Variants in ARHGEF10L observed in about 807,000 individuals in gnomAD.
The protein encoded by ARHGEF10L is Rho guanine nucleotide exchange factor 10 like.
Under a neutral mutation model 141.2 loss-of-function variants are expected in ARHGEF10L, and 69 were observed. That is an observed-to-expected ratio of 0.49 (90% confidence interval 0.40 to 0.60). ARHGEF10L has a LOEUF of 0.60. ARHGEF10L is among the 20% of genes least tolerant of loss of function. ARHGEF10L has a pLI of 0.00. For synonymous variants in ARHGEF10L, 711 were observed against 718.5 expected (o/e 0.99, Z 0.17); for missense variants, 1,482 against 1,734.3 (o/e 0.85, Z 2.58).
At chr1:17,664,253 G>C (rs2062826295) in intron 25 of ARHGEF10L, among the ~76,000 whole-genome samples, 194 bp from the exon 26 acceptor site, 1 of 152,200 alleles carries the variant, frequency 6.6e-6, no homozygotes, top group Non-Finnish European at 1.5e-5. Context: ...AGGGGTGGCT[G>C]GGTGTGGGAC....
At chr1:17,528,159 C>A in the ARHGEF10L span, among the ~76,000 whole-genome samples, 1 of 151,962 alleles carries the variant, frequency 6.6e-6, no homozygotes, top group Non-Finnish European at 1.5e-5. Flanking sequence ...TGCGCCTGTC[C>A]CTTTTCCTCT....
At chr1:17,690,489 G>C (rs991609126) in intron 27 of ARHGEF10L, among the ~76,000 whole-genome samples, 1 of 152,248 alleles carries the variant, frequency 6.6e-6, no homozygotes, top group Non-Finnish European at 1.5e-5. Context: ...CATCTCCTGC[G>C]AGGGCTCCTT....
rs375729142 is a variant in ARHGEF10L at position 17,624,491 on chromosome 1, C to T, written c.1305C>T (p.Leu435=). 15 of 1,613,786 alleles carry T rather than the reference C, an allele frequency of 9.3e-6. No individual in the cohort carries two copies. Among genetic ancestry groups the T allele is most frequent in the Non-Finnish European group, 1.2e-5 (14 of 1,179,764 alleles). Residue 435 remains leucine, a synonymous_variant, in exon 13 of 29, where the codon CTC becomes CTT. Coordinates refer to ENST00000361221, the MANE Select transcript of ARHGEF10L (RefSeq NM_018125.4). Reference sequence around the variant, plus strand: ...CCTGCCTCACCAAGCCTGCCTTCCTCGAGTTCCTCAAGGTGGGCCTCCATG... The same window carrying T: ...CCTGCCTCACCAAGCCTGCCTTCCTTGAGTTCCTCAAGGTGGGCCTCCATG... ...KKACLTKPAF[L]EFLKRRQVCS...
chr1:17,643,718 T>C (rs533160690), intron 21 of ARHGEF10L, among the ~76,000 whole-genome samples: 1 of 152,144 alleles, frequency 6.6e-6, no homozygotes, highest in East Asian at 1.9e-4. Context: ...AGGGCTCTCG[T>C]GAAAATGTGG....
chr1:17,690,092 TG>T (rs2064985771), intron 27 of ARHGEF10L, among the ~76,000 whole-genome samples: 1 of 152,218 alleles, frequency 6.6e-6, no homozygotes, highest in African/African-American at 2.4e-5. Context: ...AGTGCTGATA[TG>T]GACAGAGCCA....
chr1:17,535,091 T>C (rs1048761964), upstream of ARHGEF10L, among the ~76,000 whole-genome samples: 1 of 152,130 alleles, frequency 6.6e-6, no homozygotes, highest in Middle Eastern at 3.2e-3. Flanking sequence ...CTCACCATAA[T>C]GTAGAATCAG....
At chr1:17,636,976 A>C in intron 18 of ARHGEF10L, among the ~76,000 whole-genome samples, 2 of 147,264 alleles carry the variant, frequency 1.4e-5, no homozygotes, top group African/African-American at 5.1e-5. Flanking sequence ...CCCCCATCTC[A>C]CCCTTACTCC....
At position 17,624,481 on chromosome 1, in the gene ARHGEF10L, C is replaced by T. The variant is rs1162664616; in HGVS notation, c.1295C>T (p.Pro432Leu). The change falls in exon 13 of 29, where the codon CCT becomes CTT. Residue 432 changes from proline to leucine, a missense_variant. Transcript: ENST00000361221. Reference sequence around the variant, plus strand: ...ATCAAGAAGGCCTGCCTCACCAAGCCTGCCTTCCTCGAGTTCCTCAAGGTG... The same window carrying T: ...ATCAAGAAGGCCTGCCTCACCAAGCTTGCCTTCCTCGAGTTCCTCAAGGTG... ...SIIKKACLTK[P>L]AFLEFLKRRQ... is the part of the protein sequence containing the mutation. 1.9e-6 allele frequency: 3 copies of T among 1,614,246 alleles called. No homozygotes were observed. The highest frequency in any genetic ancestry group is 1.7e-5 in the Admixed American group (1 of 60,024).
In ARHGEF10L at chr1:17,621,223, A is replaced by G. The variant is rs16829543; in HGVS notation, c.943-641A>G. Among the ~76,000 whole-genome samples, 1,316 of 152,208 alleles carry G rather than the reference A, an allele frequency of 8.6e-3. 16 individuals are homozygous for G. The highest frequency in any genetic ancestry group is 0.03 in the African/African-American group (1,241 of 41,528). ...CTGAGATTCGGTTCATGCTAATGCTAAGACAGAATTTTCTTTTCTTTTTTT... is the reference window on the plus strand; with the variant it reads ...CTGAGATTCGGTTCATGCTAATGCTGAGACAGAATTTTCTTTTCTTTTTTT... On this transcript the variant is annotated intron_variant, in intron 10 of 28. Transcript: ENST00000361221. The surrounding 1 kb of genome is among the most constrained non-coding windows in gnomAD (Gnocchi z 4.1).
rs2063462951 is a variant in ARHGEF10L at position 17,673,570 on chromosome 1, A to G, written c.3009+8975A>G. ...GAGGGTGTAGGCTAGTGCCTAATGCACACTCAGGCAGAGTGGCCGCTACGC... is the reference window on the plus strand; with the variant it reads ...GAGGGTGTAGGCTAGTGCCTAATGCGCACTCAGGCAGAGTGGCCGCTACGC... On this transcript the variant is annotated intron_variant, in intron 26 of 28. Transcript: ENST00000361221. The surrounding 1 kb of genome is among the most constrained non-coding windows in gnomAD (Gnocchi z 4.1). Among the ~76,000 whole-genome samples the G allele has an allele frequency of 6.6e-6, 1 of 152,136 alleles. No individual in the cohort carries two copies. The highest frequency in any genetic ancestry group is 2.4e-5 in the African/African-American group (1 of 41,410).
At chr1:17,580,916 T>C (rs1168338117) in intron 2 of ARHGEF10L, among the ~76,000 whole-genome samples, 1 of 152,044 alleles carries the variant, frequency 6.6e-6, no homozygotes, top group Non-Finnish European at 1.5e-5. Flanking sequence ...CTGAAGCTTA[T>C]AAATCAGGGG....
intron 16 of ARHGEF10L, among the ~76,000 whole-genome samples, chr1:17,633,895 T>G (rs1394808907): frequency 6.6e-6 from 1 of 152,150 alleles, no homozygotes; most frequent in African/African-American, 2.4e-5. Flanking sequence ...CAGGGCTGTT[T>G]CAGGACCTGT....
At chr1:17,567,729 C>A (rs2077821377) in intron 1 of ARHGEF10L, among the ~76,000 whole-genome samples, 1 of 152,176 alleles carries the variant, frequency 6.6e-6, no homozygotes, top group African/African-American at 2.4e-5. Context: ...GGCTGATTCT[C>A]CAGCCGGCGT....
chr1:17,620,170 T>G (rs1220554780), intron 10 of ARHGEF10L, among the ~76,000 whole-genome samples: 1 of 144,386 alleles, frequency 6.9e-6, no homozygotes, highest in Admixed American at 7.2e-5. Flanking sequence ...GCCACTGCAC[T>G]CCAGCCTGGT....
At chr1:17,678,502 A>C (rs57566928) in intron 26 of ARHGEF10L, among the ~76,000 whole-genome samples, 3,953 of 149,282 alleles carry the variant, frequency 0.026, 183 homozygotes, top group African/African-American at 0.093. Context: ...TCACTGCAAC[A>C]TCTGCCTCCC....
At chr1:17,557,120 A>C (rs1186129573) in intron 1 of ARHGEF10L, among the ~76,000 whole-genome samples, 1 of 151,734 alleles carries the variant, frequency 6.6e-6, no homozygotes, top group East Asian at 1.9e-4. Flanking sequence ...AGGTGGATGG[A>C]TCACTTGAGA....
chr1:17,649,642 C>T (rs536193254), intron 22 of ARHGEF10L, among the ~76,000 whole-genome samples: 6 of 152,302 alleles, frequency 3.9e-5, no homozygotes, highest in Admixed American at 6.5e-5. Flanking sequence ...CCTTATGTAG[C>T]TTTGAATCCT....
In ARHGEF10L at chr1:17,639,628, A is replaced by G. The variant is rs2061219443; in HGVS notation, c.2172-574A>G. On this transcript the variant is annotated intron_variant, in intron 20 of 28. Coordinates refer to ENST00000361221, the MANE Select transcript of ARHGEF10L (RefSeq NM_018125.4). This position sits in a 1 kb window ranked among gnomAD's most constrained non-coding sequence, Gnocchi z 4.3. ...TGTGACACTGCCCTGCCCACCTCCCAAAGGGCTGGGAAGGCCCCCACTGCT... is the reference window on the plus strand; with the variant it reads ...TGTGACACTGCCCTGCCCACCTCCCGAAGGGCTGGGAAGGCCCCCACTGCT... The G allele has an allele frequency of 2.7e-6, 1 of 368,034 alleles. No individual in the cohort carries two copies. Among genetic ancestry groups the G allele is most frequent in the Admixed American group, 3.4e-5 (1 of 29,346 alleles). 22.8% of individuals were successfully genotyped at this position (368,034 alleles called of 1,614,324 possible).
chr1:17,572,098 G>T (rs1450048270), intron 1 of ARHGEF10L, among the ~76,000 whole-genome samples: 1 of 152,226 alleles, frequency 6.6e-6, no homozygotes, highest in Admixed American at 6.5e-5. Flanking sequence ...CCATGGATGG[G>T]CAGCAATTCT....
Sources: gnomAD v4.1 joint callset for allele counts (sites outside exome capture counted in the v4.1 genomes callset) on GRCh38, gnomAD v4.1.1 for gene constraint, Gnocchi (gnomAD v3.1) non-coding constraint, MANE v1.5 for transcripts, NCBI Gene and HGNC (gene_info 2026-07-23, HGNC 2026-07-21) for gene names.